Variants in CDK8 observed in about 807,000 individuals in gnomAD.
CDK8 encodes the protein cyclin dependent kinase 8, also known as cyclin-dependent kinase 8.
CDK8 carries 29 observed loss-of-function variants against 71.5 expected under a neutral mutation model. That is an observed-to-expected ratio of 0.41 (90% confidence interval 0.30 to 0.55). CDK8 has a LOEUF of 0.55. CDK8 is among the 20% of genes least tolerant of loss of function. CDK8 has a pLI of 0.37. For missense variants in CDK8, 288 were observed against 572.6 expected, an observed-to-expected ratio of 0.50 and a Z score of 5.07; for synonymous variants, 161 against 192.1, an observed-to-expected ratio of 0.84 and a Z score of 1.34.
intron 4 of CDK8, among the ~76,000 whole-genome samples, chr13:26,366,387 T>A (rs932391507): frequency 2.3e-4 from 35 of 152,248 alleles, no homozygotes; most frequent in African/African-American, 7.9e-4. Context: ...ATATTTTTTT[T>A]AAGATTTAAT....
At chr13:26,372,860 A>G (rs1018057101) in intron 4 of CDK8, among the ~76,000 whole-genome samples, 2 of 152,130 alleles carry the variant, frequency 1.3e-5, no homozygotes, top group African/African-American at 4.8e-5. Context: ...TAAACTCTTC[A>G]GTGAAATTTC....
At chr13:26,295,935 G>A (rs1048946309) in intron 1 of CDK8, among the ~76,000 whole-genome samples, 9 of 152,098 alleles carry the variant, frequency 5.9e-5, no homozygotes, top group African/African-American at 1.4e-4. Context: ...TATCATGGTC[G>A]TTTGTTGGAT....
rs189417152 is a variant in CDK8 at position 26,401,740 on chromosome 13, A to G, written c.1269+116A>G. 7.8e-5 allele frequency: 83 copies of G among 1,062,054 alleles called. No homozygotes were observed. The Middle Eastern group carries it at 1.0e-3, about 13-fold the overall frequency. The allele number at this position is 1,062,054 out of a possible 1,614,324, so 65.8% of individuals were successfully genotyped here. On this transcript the variant is annotated intron_variant, in intron 12 of 12. Coordinates refer to ENST00000381527, the MANE Select transcript of CDK8 (RefSeq NM_001260.3). This position sits in a 1 kb window ranked among gnomAD's most constrained non-coding sequence, Gnocchi z 4.5. The stretch of plus-strand genomic sequence containing the variant: ...GACGTCTGTATACCCAGGGAAATAC[A>G]TTAACATGAAATGTTACTGGCATGG...
intron 4 of CDK8, among the ~76,000 whole-genome samples, chr13:26,372,779 T>C (rs927939345): frequency 1.3e-5 from 2 of 152,168 alleles, no homozygotes; most frequent in Admixed American, 1.3e-4. Flanking sequence ...ATCTGTAAAA[T>C]TAACCTGTGT....
chr13:26,359,025 T>C (rs774023876), intron 4 of CDK8: 1 of 304,896 alleles, frequency 3.3e-6, no homozygotes, highest in Non-Finnish European at 6.5e-6. Context: ...AGACTCTGTC[T>C]GTAAAATAAA....
intron 1 of CDK8, among the ~76,000 whole-genome samples, chr13:26,279,001 T>G (rs1872649159): frequency 6.6e-6 from 1 of 152,132 alleles, no homozygotes; most frequent in South Asian, 2.1e-4. Context: ...ACCACGTCAT[T>G]TTATGTAAGG....
intron 3 of CDK8, among the ~76,000 whole-genome samples, chr13:26,353,190 T>A (rs1183932616): frequency 6.6e-6 from 1 of 152,234 alleles, no homozygotes; most frequent in Non-Finnish European, 1.5e-5. Context: ...CATAGAAAGC[T>A]TTGATGGATG....
chr13:26,257,089 A>G (rs941087045), intron 1 of CDK8, among the ~76,000 whole-genome samples: 37 of 152,302 alleles, frequency 2.4e-4, no homozygotes, highest in African/African-American at 8.2e-4. Context: ...TCATAATAAG[A>G]TGATGATCAA....
At chr13:26,363,661 T>C (rs1874253086) in intron 4 of CDK8, among the ~76,000 whole-genome samples, 1 of 152,170 alleles carries the variant, frequency 6.6e-6, no homozygotes, top group African/African-American at 2.4e-5. Flanking sequence ...CAAACAACCT[T>C]GCCCAGCCTG....
At chr13:26,386,642 T>A (rs1875490828) in intron 6 of CDK8, among the ~76,000 whole-genome samples, 1 of 152,240 alleles carries the variant, frequency 6.6e-6, no homozygotes, top group African/African-American at 2.4e-5. Context: ...CCTTTGGAAC[T>A]GTATCTTAGA....
At chr13:26,331,642 T>C (rs1476880254) in intron 1 of CDK8, among the ~76,000 whole-genome samples, 1 of 152,238 alleles carries the variant, frequency 6.6e-6, no homozygotes, top group Non-Finnish European at 1.5e-5. Flanking sequence ...GCTTTATTGC[T>C]GAGTTCTTCA....
intron 1 of CDK8, among the ~76,000 whole-genome samples, chr13:26,309,222 C>T (rs1466579889): frequency 6.6e-6 from 1 of 151,300 alleles, no homozygotes; most frequent in African/African-American, 2.4e-5. Context: ...TCACTGCAAG[C>T]TCCGCCTCCC....
rs533275116 is a variant in CDK8 at position 26,305,456 on chromosome 13, A to G, written c.129-32111A>G. On this transcript the variant is annotated intron_variant, in intron 1 of 12. Coordinates refer to ENST00000381527, the MANE Select transcript of CDK8 (RefSeq NM_001260.3). ...TGGTTTTCTTATGCTGCTGTCATTC[A>G]TAATGCTTCTGAATCTGTAATTCGA... Among the ~76,000 whole-genome samples, 27 of 152,312 alleles carry G rather than the reference A, an allele frequency of 1.8e-4. 1 individual carries two copies. Among genetic ancestry groups the G allele is most frequent in the Admixed American group, 1.6e-3 (25 of 15,306 alleles).
chr13:26,358,843 A>C (rs1874010553), intron 4 of CDK8, among the ~76,000 whole-genome samples: 1 of 152,184 alleles, frequency 6.6e-6, no homozygotes. Context: ...CAGCCTGGGC[A>C]ACATAGTGAA....
Position 26,315,029 on chromosome 13 carries a change from G to A in CDK8, c.129-22538G>A, listed in dbSNP as rs189326164. Among the ~76,000 whole-genome samples the A allele has an allele frequency of 1.7e-4, 26 of 152,004 alleles. No homozygotes were observed. In the East Asian group the frequency reaches 5.0e-3, roughly 29 times the overall value. On this transcript the variant is annotated intron_variant, in intron 1 of 12. Coordinates refer to ENST00000381527, the MANE Select transcript of CDK8 (RefSeq NM_001260.3). ...AATTGATTTATCCCTGTTTTTATGA[G>A]CTAGTTGGAAATTAATTTTTCCCAC...
At chr13:26,326,383 A>G (rs1489152938) in intron 1 of CDK8, among the ~76,000 whole-genome samples, 2 of 152,202 alleles carry the variant, frequency 1.3e-5, no homozygotes, top group Non-Finnish European at 2.9e-5. Context: ...TCTTATAGGT[A>G]TCGTTGTTGG....
chr13:26,263,326 A>G (rs919280278), intron 1 of CDK8, among the ~76,000 whole-genome samples: 3 of 151,942 alleles, frequency 2.0e-5, no homozygotes, highest in Admixed American at 2.0e-4. Context: ...TAGTAGAGAC[A>G]GGGTTTCACC....
rs552209565 is a variant in CDK8 at position 26,332,012 on chromosome 13, G to A, written c.129-5555G>A. Among the ~76,000 whole-genome samples the A allele has an allele frequency of 9.2e-5, 14 of 152,018 alleles. 1 individual carries two copies. In the South Asian group the frequency reaches 1.7e-3, roughly 18 times the overall value. Reference sequence around the variant, plus strand: ...TTAACAGTGTTTTGTAGTCCTTCTCGTAGAGATTTCCATCTCCCTAGTTAG... The same window carrying A: ...TTAACAGTGTTTTGTAGTCCTTCTCATAGAGATTTCCATCTCCCTAGTTAG... On this transcript the variant is annotated intron_variant, in intron 1 of 12. Coordinates refer to ENST00000381527, the MANE Select transcript of CDK8 (RefSeq NM_001260.3).
In CDK8 at chr13:26,274,555, C is replaced by T. The variant is rs528870068; in HGVS notation, c.128+19786C>T. Among the ~76,000 whole-genome samples, 17 of 151,936 alleles carry T rather than the reference C, an allele frequency of 1.1e-4. No homozygotes were observed. The East Asian group carries it at 3.1e-3, about 28-fold the overall frequency. On this transcript the variant is annotated intron_variant, in intron 1 of 12. Coordinates refer to ENST00000381527, the MANE Select transcript of CDK8 (RefSeq NM_001260.3). ...CATGCCATTCTCCTGCCTCAGCCTC[C>T]CGAGTAGCTGGGACTACAGGCGCCC...
Sources: allele counts gnomAD v4.1 joint callset (sites outside exome capture counted in the v4.1 genomes callset), GRCh38; gene constraint gnomAD v4.1.1; non-coding constraint Gnocchi (gnomAD v3.1); transcripts MANE v1.5; gene names NCBI Gene and HGNC (gene_info 2026-07-23, HGNC 2026-07-21).